PPP1R12B: variants seen among roughly 807,000 people sequenced by gnomAD.
The protein encoded by PPP1R12B is myosin phosphatase target subunit 2.
A neutral mutation model predicts 126.1 loss-of-function variants in PPP1R12B; 76 were observed. That is an observed-to-expected ratio of 0.60 (90% CI 0.50 to 0.73). PPP1R12B has a LOEUF of 0.73. Among genes scored for constraint, PPP1R12B ranks in the 30% least tolerant of loss-of-function variants. The pLI is 0.00. For missense variants in PPP1R12B, 1,052 were observed against 1,205.1 expected, an observed-to-expected ratio of 0.87 and a Z score of 1.88; for synonymous variants, 356 against 434.7, an observed-to-expected ratio of 0.82 and a Z score of 2.25.
intron 19 of PPP1R12B, among the ~76,000 whole-genome samples, chr1:202,560,126 C>T (rs1043376207): frequency 5.3e-5 from 8 of 151,892 alleles, no homozygotes; most frequent in Non-Finnish European, 1.0e-4. Context: ...TCAGCCATAC[C>T]GAGAAACAAA....
chr1:202,439,767 C>T, intron 10 of PPP1R12B: 1 of 507,418 alleles, frequency 2.0e-6, no homozygotes, highest in South Asian at 2.1e-5. Flanking sequence ...GTGAGGGGGA[C>T]CTCATTCCTT....
rs1181326177 is a variant in PPP1R12B at position 202,348,867 on chromosome 1, C to T, written c.16C>T (p.His6Tyr). The T allele has an allele frequency of 1.2e-6, 2 of 1,608,838 alleles. No individual in the cohort carries two copies. The highest frequency in any genetic ancestry group is 2.2e-5 in the South Asian group (2 of 90,598). MAELEHLGGKRAESAR... is the reference protein window; with the variant it reads MAELEYLGGKRAESAR... ...GGCCGGAGCAATGGCGGAACTGGAGCACCTAGGAGGGAAGCGGGCAGAGTC... is the reference window on the plus strand; with the variant it reads ...GGCCGGAGCAATGGCGGAACTGGAGTACCTAGGAGGGAAGCGGGCAGAGTC... The change falls in exon 1 of 24, where the codon CAC becomes TAC. Residue 6 changes from histidine (H) to tyrosine (Y), a missense_variant. Transcript: ENST00000608999.
Position 202,521,440 on chromosome 1 carries a change from A to G in PPP1R12B, c.2490+24618A>G, listed in dbSNP as rs182098472. 2.5e-3 allele frequency among the ~76,000 whole-genome samples: 378 copies of G among 152,356 alleles called. 3 individuals carry two copies. Among genetic ancestry groups the G allele is most frequent in the African/African-American group, 8.8e-3 (366 of 41,582 alleles). ...TCTGGTGAGAGTTTAAAAATAAGTT[A>G]AAATTCTCAATATATGTACAGAAGA... On this transcript the variant is annotated intron_variant, in intron 18 of 23. Coordinates refer to ENST00000608999, the MANE Select transcript of PPP1R12B (RefSeq NM_002481.4).
intron 18 of PPP1R12B, among the ~76,000 whole-genome samples, chr1:202,558,146 A>AG (rs1687143042): frequency 1.3e-5 from 2 of 152,154 alleles, no homozygotes; most frequent in African/African-American, 4.8e-5. Context: ...TTAAAAAAAA[A>AG]AAAAGGGATA....
chr1:202,439,090 C>T, intron 10 of PPP1R12B: 2 of 1,478,134 alleles, frequency 1.4e-6, no homozygotes, highest in Non-Finnish European at 1.9e-6. Context: ...CCATCACCTC[C>T]AGCGCCAAAG....
intron 22 of PPP1R12B, among the ~76,000 whole-genome samples, chr1:202,568,384 G>A (rs1688260858): frequency 6.6e-6 from 1 of 152,168 alleles, no homozygotes; most frequent in Non-Finnish European, 1.5e-5. Flanking sequence ...ATTATTCTGG[G>A]ATTTTACATT....
chr1:202,371,694 A>G (rs955742832), intron 1 of PPP1R12B, among the ~76,000 whole-genome samples: 3 of 152,058 alleles, frequency 2.0e-5, no homozygotes, highest in African/African-American at 7.2e-5. Flanking sequence ...GTGATTTAAG[A>G]TTTACAAAAA....
intron 23 of PPP1R12B, chr1:202,575,325 T>A: frequency 1.2e-6 from 1 of 828,464 alleles, no homozygotes; most frequent in Non-Finnish European, 1.8e-6. Flanking sequence ...CATACCAGCC[T>A]AGGTCAAGGG....
intron 18 of PPP1R12B, among the ~76,000 whole-genome samples, chr1:202,518,355 G>A (rs1268567521): frequency 6.6e-6 from 1 of 152,192 alleles, no homozygotes; most frequent in African/African-American, 2.4e-5. Context: ...TCTGGCAGTG[G>A]TTAAGTATAC....
intron 18 of PPP1R12B, among the ~76,000 whole-genome samples, chr1:202,532,098 C>G (rs1331682187): frequency 6.6e-6 from 1 of 152,158 alleles, no homozygotes; most frequent in East Asian, 1.9e-4. Flanking sequence ...TGGGCAATTT[C>G]CAGAACTGAG....
At chr1:202,488,746 C>T (rs1475044353) in intron 14 of PPP1R12B, 123 bp downstream of exon 14, 3 of 873,720 alleles carry the variant, frequency 3.4e-6, no homozygotes, top group African/African-American at 3.4e-5. Flanking sequence ...CACACACGCT[C>T]ACGGCTTGGC....
intron 13 of PPP1R12B, among the ~76,000 whole-genome samples, chr1:202,485,072 G>A (rs1677902081): frequency 1.3e-5 from 2 of 152,332 alleles, no homozygotes; most frequent in African/African-American, 4.8e-5. Context: ...GTGTGCATAG[G>A]TTCAGCTGGC....
At chr1:202,382,010 C>T (rs1475324679) in intron 1 of PPP1R12B, among the ~76,000 whole-genome samples, 4 of 152,156 alleles carry the variant, frequency 2.6e-5, no homozygotes, top group African/African-American at 7.2e-5. Flanking sequence ...ATAGCAAAGA[C>T]GTGGAACCAA....
chr1:202,360,892 CTTTTT>C (rs11311546), intron 1 of PPP1R12B, among the ~76,000 whole-genome samples: 1 of 109,420 alleles, frequency 9.1e-6, no homozygotes, highest in Non-Finnish European at 2.0e-5. Flanking sequence ...ACCATTAGCT[CTTTTT>C]TTTTTTTTTT....
In PPP1R12B at chr1:202,591,751, A is replaced by C. The variant is rs933229080; in HGVS notation, c.*11191A>C. On this transcript the variant is annotated 3_prime_UTR_variant, in exon 24 of 24. Coordinates refer to ENST00000608999, the MANE Select transcript of PPP1R12B (RefSeq NM_002481.4). ...CACAGACCCTCACACTACAGAGGTGAGTAAGCAGGGATGGTTCTGTCATCC... is the reference window on the plus strand; with the variant it reads ...CACAGACCCTCACACTACAGAGGTGCGTAAGCAGGGATGGTTCTGTCATCC... The C allele has an allele frequency of 1.3e-5, 2 of 152,710 alleles. No individual in the cohort carries two copies. Among genetic ancestry groups the C allele is most frequent in the Admixed American group, 1.3e-4 (2 of 15,270 alleles). 9.5% of individuals were successfully genotyped at this position (152,710 alleles called of 1,614,324 possible).
intron 18 of PPP1R12B, among the ~76,000 whole-genome samples, chr1:202,527,899 A>G (rs1683517437): frequency 6.6e-6 from 1 of 152,240 alleles, no homozygotes; most frequent in Non-Finnish European, 1.5e-5. Flanking sequence ...AAGAAAAACC[A>G]AAATAAAGTC....
At chr1:202,530,478 A>G (rs697454) in intron 18 of PPP1R12B, among the ~76,000 whole-genome samples, 4,668 of 152,310 alleles carry the variant, frequency 0.031, 193 homozygotes, top group African/African-American at 0.096. Flanking sequence ...AGCCATTGCT[A>G]AAGTTAAATT....
intron 18 of PPP1R12B, chr1:202,558,501 A>G (rs905888146): frequency 2.3e-5 from 4 of 174,680 alleles, no homozygotes; most frequent in African/African-American, 9.4e-5. Flanking sequence ...AGATCCAGAG[A>G]GGCCAAATGT....
At chr1:202,377,688 C>G (rs1158522562) in intron 1 of PPP1R12B, among the ~76,000 whole-genome samples, 1 of 151,970 alleles carries the variant, frequency 6.6e-6, no homozygotes, top group African/African-American at 2.4e-5. Flanking sequence ...TTAAGATGTA[C>G]AGTAGCTTAT....
Sources: allele counts gnomAD v4.1 joint callset (sites outside exome capture counted in the v4.1 genomes callset), GRCh38; gene constraint gnomAD v4.1.1; transcripts MANE v1.5; gene names NCBI Gene and HGNC (gene_info 2026-07-23, HGNC 2026-07-21).